WWP2: variants seen among roughly 807,000 people sequenced by gnomAD.
WWP2 encodes WW domain containing E3 ubiquitin protein ligase 2.
WWP2 carries 57 observed loss-of-function variants against 121.0 expected under a neutral mutation model. That is an observed-to-expected ratio of 0.47 (90% CI 0.38 to 0.59). The LOEUF (loss-of-function observed/expected upper bound fraction) is 0.59, where lower values mean the gene tolerates loss of function less well. WWP2 is among the 20% of genes least tolerant of loss of function. The pLI is 0.00. For missense variants in WWP2, 962 were observed against 1,158.9 expected, an observed-to-expected ratio of 0.83 and a Z score of 2.47; for synonymous variants, 449 against 441.3, an observed-to-expected ratio of 1.02 and a Z score of -0.22.
At chr16:69,896,727 AT>A (rs377065935) in intron 8 of WWP2, among the ~76,000 whole-genome samples, 8,590 of 142,902 alleles carry the variant, frequency 0.06, 562 homozygotes, top group African/African-American at 0.17. Context: ...GCTTGTGTGT[AT>A]TTTTTTTTTT....
intron 8 of WWP2, among the ~76,000 whole-genome samples, chr16:69,893,742 C>T (rs2058065937): frequency 6.6e-6 from 1 of 152,158 alleles, no homozygotes; most frequent in South Asian, 2.1e-4. Context: ...CAGGGTTTCA[C>T]CATGTTGGCC....
chr16:69,805,029 A>T (rs1597697223), intron 4 of WWP2, among the ~76,000 whole-genome samples: 1 of 148,276 alleles, frequency 6.7e-6, no homozygotes. Flanking sequence ...GTTTCTTTTG[A>T]GTTTGCTTGG....
rs1346008734 is a variant in WWP2, at chr16:69,931,152, G to A, written c.1446G>A (p.Gly482=). 1.2e-6 allele frequency: 2 copies of A among 1,614,068 alleles called. No individual in the cohort carries two copies. The highest frequency in any genetic ancestry group is 8.5e-7 in the Non-Finnish European group (1 of 1,180,022). The part of the protein sequence containing the change: ...FKDPRPGFES[G]TKQGSPGAYD... ...CCCTGAACATCTTTGCTCTTCCTAG[G>A]ACGAAGCAAGGTTCCCCTGGTGCTT... The change falls in exon 14 of 24, where the codon GGG becomes GGA. Residue 482 remains glycine (G), a splice_region_variant and synonymous_variant. Transcript: ENST00000359154.
intron 10 of WWP2, among the ~76,000 whole-genome samples, chr16:69,923,852 A>C (rs2058599647): frequency 6.6e-6 from 1 of 152,152 alleles, no homozygotes; most frequent in South Asian, 2.1e-4. Flanking sequence ...GTTAACTACA[A>C]AACAGAGTTG....
In WWP2 at chr16:69,820,753, A is replaced by G. The variant is rs140520717; in HGVS notation, c.341-19373A>G. On this transcript the variant is annotated intron_variant, in intron 4 of 23. Transcript: ENST00000359154. ...CCTCCACAAATAGAATGTAAGGTCT[A>G]TGGGGGCAGGCGTTTTGTGAATTTT... Among the ~76,000 whole-genome samples, 439 of 79,988 alleles carry G rather than the reference A, an allele frequency of 5.5e-3. 113 individuals carry two copies. Among genetic ancestry groups the G allele is most frequent in the South Asian group, 0.021 (32 of 1,514 alleles). 52.5% of individuals were successfully genotyped at this position (79,988 alleles called of 152,430 possible).
intron 11 of WWP2, among the ~76,000 whole-genome samples, chr16:69,929,116 C>T (rs2058676806): frequency 2.0e-5 from 3 of 152,298 alleles, no homozygotes; most frequent in African/African-American, 4.8e-5. Context: ...ATGCTGCACA[C>T]AGCTGGGAGC....
chr16:69,803,371 A>C (rs563844494), intron 4 of WWP2, among the ~76,000 whole-genome samples: 1 of 150,148 alleles, frequency 6.7e-6, no homozygotes, highest in East Asian at 1.9e-4. Context: ...TTTACATAAA[A>C]AAAACATTAT....
At chr16:69,912,312 C>G in intron 9 of WWP2, among the ~76,000 whole-genome samples, 1 of 150,942 alleles carries the variant, frequency 6.6e-6, no homozygotes, top group East Asian at 1.9e-4. Flanking sequence ...AAAACAAAAC[C>G]TCATTGGTTT....
At position 69,778,192 on chromosome 16, in the gene WWP2, A is replaced by ATATTT. The variant is rs1555544415; in HGVS notation, c.-15-8803_-15-8802insATTTT. Among the ~76,000 whole-genome samples the ATATTT allele has an allele frequency of 1.5e-3, 186 of 125,622 alleles. 1 individual carries two copies. The highest frequency in any genetic ancestry group is 3.7e-3 in the South Asian group (14 of 3,760). 82.4% of individuals were successfully genotyped at this position (125,622 alleles called of 152,430 possible). A position where few individuals can be genotyped will look rare whatever the true frequency, so the allele number is the denominator to read the frequency against. The stretch of plus-strand genomic sequence containing the variant: ...TAAATAAATATATATATATATATAT[A>ATATTT]TTTTTTTTTTTTTGAGAAATTTCAA... On this transcript the variant is annotated intron_variant, in intron 1 of 23. Coordinates refer to ENST00000359154, the MANE Select transcript of WWP2 (RefSeq NM_001270454.2).
intron 8 of WWP2, among the ~76,000 whole-genome samples, chr16:69,892,004 A>G (rs2058035978): frequency 6.6e-6 from 1 of 152,114 alleles, no homozygotes. Context: ...CATACGATTT[A>G]TTAAGTGACC....
intron 6 of WWP2, among the ~76,000 whole-genome samples, chr16:69,870,322 A>C (rs2057611459): frequency 7.4e-6 from 1 of 134,986 alleles, no homozygotes; most frequent in African/African-American, 2.8e-5. Context: ...TTTTGGAGAC[A>C]CTCTCACTCA....
chr16:69,934,568 C>T (rs1000807313), intron 17 of WWP2, among the ~76,000 whole-genome samples: 8 of 152,100 alleles, frequency 5.3e-5, no homozygotes, highest in African/African-American at 1.9e-4. Context: ...CAGGTGAAAC[C>T]ATAGCTGCCC....
At position 69,930,261 on chromosome 16, in the gene WWP2, A is replaced by AAGGACTT; in HGVS notation, c.1445+4_1445+10dup. 6.2e-7 allele frequency: 1 copy of AAGGACTT among 1,613,784 alleles called. No homozygotes were observed. On this transcript the variant is annotated splice_donor_region_variant and intron_variant, in intron 13 of 23. Transcript: ENST00000359154. ...CCTCGCCCGGGGTTTGAGTCGGGGT[A>AAGGACTT]AGGACTTTGTGCAGGTAGCAGCAGT...
intron 1 of WWP2, among the ~76,000 whole-genome samples, chr16:69,766,185 A>G (rs1452110738): frequency 6.6e-6 from 1 of 152,140 alleles, no homozygotes; most frequent in Non-Finnish European, 1.5e-5. Context: ...CAGTTGTTCA[A>G]GCCAAAGACC....
intron 8 of WWP2, among the ~76,000 whole-genome samples, chr16:69,892,081 G>A (rs1232623442): frequency 1.3e-5 from 2 of 152,150 alleles, no homozygotes; most frequent in African/African-American, 4.8e-5. Context: ...GCCTCTGAAT[G>A]CCCAGCACCT....
intron 7 of WWP2, among the ~76,000 whole-genome samples, chr16:69,874,593 T>G (rs552769317): frequency 3.3e-5 from 5 of 152,332 alleles, no homozygotes; most frequent in Admixed American, 3.3e-4. Context: ...CCCGTCTGTA[T>G]AAATATTATA....
In WWP2 at chr16:69,868,456, T is replaced by G. The variant is rs150275349; in HGVS notation, c.576-3348T>G. ...GGGACAGGGAACCCGGGGCTGGAGTTGATCATGGACATGTCTGTCTGAGGG... is the reference window on the plus strand; with the variant it reads ...GGGACAGGGAACCCGGGGCTGGAGTGGATCATGGACATGTCTGTCTGAGGG... On this transcript the variant is annotated intron_variant, in intron 6 of 23. Coordinates refer to ENST00000359154, the MANE Select transcript of WWP2 (RefSeq NM_001270454.2). 2.2e-3 allele frequency among the ~76,000 whole-genome samples: 333 copies of G among 152,272 alleles called. 2 individuals carry two copies. The highest frequency in any genetic ancestry group is 5.4e-3 in the South Asian group (26 of 4,818).
intron 9 of WWP2, 39 bp from the exon 10 acceptor site, chr16:69,917,670 G>A (rs1281226425): frequency 6.3e-7 from 1 of 1,590,280 alleles, no homozygotes; most frequent in Admixed American, 1.7e-5. Flanking sequence ...GATGGGAGTG[G>A]GGTGGTCATT....
intron 4 of WWP2, among the ~76,000 whole-genome samples, chr16:69,826,788 A>C (rs542491666): frequency 6.6e-6 from 1 of 151,660 alleles, no homozygotes; most frequent in African/African-American, 2.4e-5. Flanking sequence ...TACAAAAAAA[A>C]ATTAGCCGGA....
Sources: gnomAD v4.1 joint callset for allele counts (sites outside exome capture counted in the v4.1 genomes callset) on GRCh38, gnomAD v4.1.1 for gene constraint, MANE v1.5 for transcripts, NCBI Gene and HGNC (gene_info 2026-07-23, HGNC 2026-07-21) for gene names.